DNAH3: variants seen among roughly 807,000 people sequenced by gnomAD.
DNAH3 encodes the protein dynein axonemal heavy chain 3, also known as axonemal beta dynein heavy chain 3.
DNAH3 carries 332 observed loss-of-function variants against 432.5 expected under a neutral mutation model. That is an observed-to-expected ratio of 0.77 (90% confidence interval 0.70 to 0.84). The LOEUF is 0.84. Ranked by LOEUF, DNAH3 falls within the 40% of genes least tolerant of loss-of-function variation. The pLI is 0.00. For missense variants in DNAH3, 4,861 were observed against 5,114.0 expected (o/e 0.95, Z 1.51); for synonymous variants, 1,956 against 1,900.2 (o/e 1.03, Z -0.76).
chr16:21,029,260 T>C (rs1468775005), intron 37 of DNAH3, among the ~76,000 whole-genome samples: 1 of 152,238 alleles, frequency 6.6e-6, no homozygotes, highest in Admixed American at 6.5e-5. Flanking sequence ...TGGATGTGTA[T>C]AATTTGGATA....
intron 1 of DNAH3, among the ~76,000 whole-genome samples, chr16:21,148,441 T>A (rs1023317559): frequency 5.3e-4 from 74 of 140,704 alleles, no homozygotes; most frequent in African/African-American, 1.2e-3. Flanking sequence ...TATTATTATT[T>A]ATTTTTTTTT....
At chr16:20,990,634 G>T (rs2086507300) in intron 44 of DNAH3, among the ~76,000 whole-genome samples, 2 of 600 alleles carry the variant, frequency 3.3e-3, no homozygotes, top group Admixed American at 0.059. Flanking sequence ...TTTGTTACAG[G>T]TAAAAGATAC....
At chr16:21,136,482 C>T (rs200178510) in exon 6 of DNAH3, 20 of 1,614,012 alleles carry the variant, frequency 1.2e-5, no homozygotes, top group South Asian at 5.5e-5. Flanking sequence ...CATGTCTTTG[C>T]GAATTCCATT....
At chr16:21,140,629 T>C in exon 5 of DNAH3, 1 of 1,614,204 alleles carries the variant, frequency 6.2e-7, no homozygotes, top group Non-Finnish European at 8.5e-7. Context: ...GACTCATTGG[T>C]CTGCTTCCTG....
At chr16:21,104,665 T>C in intron 15 of DNAH3, 71 bp from the exon 16 acceptor site, 2 of 873,598 alleles carry the variant, frequency 2.3e-6, no homozygotes, top group African/African-American at 1.6e-5. Context: ...GCGAATTAAT[T>C]AGACAGAACA....
chr16:21,046,776 G>A (rs1008389631), intron 31 of DNAH3, among the ~76,000 whole-genome samples: 1 of 152,006 alleles, frequency 6.6e-6, no homozygotes, highest in African/African-American at 2.4e-5. Flanking sequence ...AGTCTCGATG[G>A]TCTTTACATT....
intron 59 of DNAH3, among the ~76,000 whole-genome samples, 172 bp from the exon 60 acceptor site, chr16:20,937,025 T>C (rs1324372850): frequency 6.6e-6 from 1 of 152,220 alleles, no homozygotes; most frequent in Non-Finnish European, 1.5e-5. Context: ...GATGTATATC[T>C]TTCCAGATTT....
In DNAH3 at chr16:20,974,517, C is replaced by T. The variant is rs529666712; in HGVS notation, c.8259+716G>A. Among the ~76,000 whole-genome samples, 4 of 150,792 alleles carry T rather than the reference C, an allele frequency of 2.7e-5. No individual in the cohort carries two copies. In the East Asian group the frequency reaches 6.0e-4, roughly 22 times the overall value. On this transcript the variant is annotated intron_variant, in intron 51 of 61. Transcript: ENST00000261383. ...CTCCTGGGCTCAAGCAATCCTCCCA[C>T]ATCAGCCTCCTGAGTAGCTGGGACT...
chr16:21,154,057 G>A (rs2092882732), intron 1 of DNAH3, among the ~76,000 whole-genome samples: 1 of 152,196 alleles, frequency 6.6e-6, no homozygotes, highest in African/African-American at 2.4e-5. Flanking sequence ...CCTATACTGG[G>A]TGTGAAACCT....
intron 1 of DNAH3, among the ~76,000 whole-genome samples, chr16:21,157,925 C>T (rs988265051): frequency 7.4e-6 from 1 of 135,408 alleles, no homozygotes; most frequent in African/African-American, 2.8e-5. Context: ...TGGGGGGGGG[C>T]GGTTCTTGTA....
intron 3 of DNAH3, among the ~76,000 whole-genome samples, chr16:21,143,416 C>T (rs1436208820): frequency 1.3e-5 from 2 of 152,138 alleles, no homozygotes; most frequent in Non-Finnish European, 2.9e-5. Context: ...ATAGAGAAGA[C>T]AGATGTCTAT....
intron 52 of DNAH3, among the ~76,000 whole-genome samples, chr16:20,968,095 GT>G (rs1270602601): frequency 1.3e-5 from 2 of 152,086 alleles, no homozygotes; most frequent in African/African-American, 2.4e-5. Context: ...TTGAGACAGG[GT>G]CTCACTCTGT....
At position 21,151,683 on chromosome 16, in the gene DNAH3, G is replaced by A. The variant is rs182235287; in HGVS notation, c.118-5595C>T. ...TGGGATAGTTTGATCACCCAACACA[G>A]TCAATGCTCTATAAATGTTGTGGCT... On this transcript the variant is annotated intron_variant, in intron 1 of 61. Coordinates refer to ENST00000261383, the Ensembl canonical transcript of DNAH3. Among the ~76,000 whole-genome samples the A allele has an allele frequency of 2.5e-3, 379 of 152,222 alleles. 3 individuals are homozygous for A. Among genetic ancestry groups the A allele is most frequent in the African/African-American group, 8.4e-3 (347 of 41,526 alleles).
At chr16:21,011,921 T>G (rs556293264) in intron 41 of DNAH3, among the ~76,000 whole-genome samples, 82 of 152,316 alleles carry the variant, frequency 5.4e-4, no homozygotes, top group Admixed American at 1.6e-3. Context: ...TTACATGTAT[T>G]AACTCATTTA....
exon 12 of DNAH3, chr16:21,117,308 C>T (rs2092227345): frequency 6.2e-7 from 1 of 1,607,962 alleles, no homozygotes; most frequent in African/African-American, 1.3e-5. Flanking sequence ...CAGATTATAT[C>T]CTTTCAGCTC....
chr16:21,124,101 A>G (rs552307118), intron 9 of DNAH3, among the ~76,000 whole-genome samples: 4 of 152,104 alleles, frequency 2.6e-5, no homozygotes, highest in Admixed American at 6.6e-5. Context: ...CAGTGTTTTT[A>G]GTTTTCATTT....
chr16:21,058,084 A>G lies in DNAH3; in HGVS notation c.3924+2T>C. On this transcript the variant is annotated splice_donor_variant, in intron 27 of 61. Coordinates refer to ENST00000261383, the Ensembl canonical transcript of DNAH3. LOFTEE classifies it high-confidence loss of function. ...CTGTAACTTTGCAGCAAGTTCACTT[A>G]CCAGTAAGGTATTTTCCGCCAGGGC... 6.5e-7 allele frequency: 1 copy of G among 1,548,256 alleles called. No individual in the cohort carries two copies. The highest frequency in any genetic ancestry group is 1.4e-5 in the African/African-American group (1 of 73,668).
At chr16:21,049,924 C>T (rs2152742353) in exon 30 of DNAH3, 1 of 1,614,060 alleles carries the variant, frequency 6.2e-7, no homozygotes, top group South Asian at 1.1e-5. Context: ...TTAGCCAAGG[C>T]TTTGGCCAAA....
At chr16:20,988,901 G>A (rs575559884) in intron 44 of DNAH3, among the ~76,000 whole-genome samples, 2 of 152,308 alleles carry the variant, frequency 1.3e-5, no homozygotes, top group South Asian at 2.1e-4. Flanking sequence ...CGCGGTGAGT[G>A]TTACAGCTCT....
Sources: allele counts gnomAD v4.1 joint callset (sites outside exome capture counted in the v4.1 genomes callset), GRCh38; gene constraint gnomAD v4.1.1; transcripts MANE v1.5; gene names NCBI Gene and HGNC (gene_info 2026-07-23, HGNC 2026-07-21).